HK2: variants seen among roughly 807,000 people sequenced by gnomAD.
HK2 encodes hexokinase-2.
A neutral mutation model predicts 92.9 loss-of-function variants in HK2; 42 were observed. The observed-to-expected ratio is 0.45, with a 90% confidence interval of 0.35 to 0.58. HK2 has a LOEUF of 0.58. HK2 is among the 20% of genes least tolerant of loss of function. HK2 has a pLI of 0.00. For synonymous variants in HK2, 422 were observed against 468.0 expected, an observed-to-expected ratio of 0.90 and a Z score of 1.27; for missense variants, 978 against 1,245.1, an observed-to-expected ratio of 0.79 and a Z score of 3.23.
At chr2:74,880,154 C>T (rs1689345378) in intron 9 of HK2, 111 bp from the exon 10 acceptor site, 1 of 1,164,028 alleles carries the variant, frequency 8.6e-7, no homozygotes, top group Admixed American at 1.7e-5. Context: ...GCACCCACTC[C>T]TGCAGGTGCC....
At chr2:74,870,001 CTTTTT>C (rs66946936) in intron 3 of HK2, among the ~76,000 whole-genome samples, 1 of 121,516 alleles carries the variant, frequency 8.2e-6, no homozygotes. Flanking sequence ...CTTTTCTTTT[CTTTTT>C]TTTTTTTTTT....
intron 7 of HK2, among the ~76,000 whole-genome samples, chr2:74,875,432 G>A (rs1043388944): frequency 6.7e-6 from 1 of 149,036 alleles, no homozygotes; most frequent in African/African-American, 2.5e-5. Context: ...GGGTTCAAGC[G>A]ATTCTCCTAC....
At chr2:74,856,711 A>G (rs1278894535) in intron 2 of HK2, among the ~76,000 whole-genome samples, 1 of 152,232 alleles carries the variant, frequency 6.6e-6, no homozygotes, top group African/African-American at 2.4e-5. Context: ...TAGATGAGGA[A>G]TTTGAGGTTC....
At chr2:74,849,711 G>C (rs554010296) in intron 1 of HK2, among the ~76,000 whole-genome samples, 67 of 152,308 alleles carry the variant, frequency 4.4e-4, no homozygotes, top group Non-Finnish European at 9.7e-4. Flanking sequence ...GAAGGAAAGG[G>C]GGGGTGATAG....
At chr2:74,858,338 C>T (rs1333760782) in intron 2 of HK2, among the ~76,000 whole-genome samples, 6 of 152,198 alleles carry the variant, frequency 3.9e-5, no homozygotes, top group South Asian at 4.2e-4. Flanking sequence ...CTTGCTGGCA[C>T]GAAATATGTA....
intron 15 of HK2, 123 bp from the exon 16 acceptor site, chr2:74,887,780 C>A: frequency 1.2e-6 from 1 of 863,320 alleles, no homozygotes; most frequent in Non-Finnish European, 2.0e-6. Flanking sequence ...ATTCCTTTCC[C>A]ATCAGGGGAG....
intron 2 of HK2, among the ~76,000 whole-genome samples, chr2:74,866,434 C>T (rs1165416258): frequency 4.6e-5 from 7 of 152,164 alleles, no homozygotes; most frequent in African/African-American, 1.2e-4. Context: ...CGGTGCTGCT[C>T]GCAGTTGGGG....
At chr2:74,862,579 TGA>T (rs1688855480) in intron 2 of HK2, among the ~76,000 whole-genome samples, 1 of 152,208 alleles carries the variant, frequency 6.6e-6, no homozygotes, top group Admixed American at 6.5e-5. Context: ...TGGTTAAACC[TGA>T]AGGAAGCCCT....
rs1020173414 is a variant in HK2 at position 74,889,155 on chromosome 2, C to A, written c.2376-90C>A. ...CCTGGAGAGCTAGACCCCCACAGAG[C>A]CTCCCCTGTAAGGACTCAGGCCCTG... is the stretch of plus-strand genomic sequence containing the variant. On this transcript the variant is annotated intron_variant, in intron 16 of 17. Coordinates refer to ENST00000290573, the MANE Select transcript of HK2 (RefSeq NM_000189.5). The A allele has an allele frequency of 2.6e-5, 28 of 1,064,950 alleles. No individual in the cohort carries two copies. In the African/African-American group the frequency reaches 3.5e-4, roughly 13 times the overall value. The allele number at this position is 1,064,950 out of a possible 1,614,324, so 66.0% of individuals were successfully genotyped here.
chr2:74,852,700 AC>A (rs1473923992), intron 1 of HK2, among the ~76,000 whole-genome samples: 4 of 152,044 alleles, frequency 2.6e-5, no homozygotes, highest in Admixed American at 2.0e-4. Flanking sequence ...AAAAAAAAAA[AC>A]AACAAAAAAC....
chr2:74,842,692 C>T (rs937753544), intron 1 of HK2, among the ~76,000 whole-genome samples: 5 of 152,186 alleles, frequency 3.3e-5, no homozygotes, highest in African/African-American at 9.7e-5. Flanking sequence ...ATGCGTCCAC[C>T]GTGCTTCTAA....
chr2:74,874,182 A>G, intron 6 of HK2, 84 bp from the exon 7 acceptor site: 1 of 1,537,598 alleles, frequency 6.5e-7, no homozygotes, highest in South Asian at 1.1e-5. Flanking sequence ...CTGGCCGGGC[A>G]GTCTCGGGAC....
intron 2 of HK2, among the ~76,000 whole-genome samples, chr2:74,866,315 A>G (rs145339403): frequency 2.0e-5 from 3 of 152,162 alleles, no homozygotes; most frequent in Non-Finnish European, 4.4e-5. Flanking sequence ...TTCTCCCACC[A>G]GGAAAGGGGT....
chr2:74,878,177 A>G lies in HK2; in HGVS notation c.1032-511A>G, dbSNP rs954997911. ...CACAAGCTAAAGCAGTGCCAAGTCC[A>G]TGGTGAAATGCAATAGACTCCTACT... On this transcript the variant is annotated intron_variant, in intron 8 of 17. Transcript: ENST00000290573. Among the ~76,000 whole-genome samples the G allele has an allele frequency of 2.0e-4, 30 of 152,320 alleles. No individual in the cohort carries two copies. In the East Asian group the frequency reaches 3.3e-3, roughly 17 times the overall value.
chr2:74,887,832 C>T, intron 15 of HK2, 71 bp from the exon 16 acceptor site: 1 of 1,469,756 alleles, frequency 6.8e-7, no homozygotes, highest in Non-Finnish European at 9.5e-7. Flanking sequence ...GGTGACTAAG[C>T]TGGCCTGTCC....
Position 74,873,826 on chromosome 2 carries a change from TC to T in HK2, c.592-15del. On this transcript the variant is annotated splice_polypyrimidine_tract_variant and intron_variant, in intron 5 of 17. Transcript: ENST00000290573. ...TCTGTGATGATGAAGGTCAGAGCCC[TC>T]CCATTTGTCTCCACAGGACTTTGAT... 2 of 1,590,974 alleles carry T rather than the reference TC, an allele frequency of 1.3e-6. No homozygotes were observed. Among genetic ancestry groups the T allele is most frequent in the African/African-American group, 1.3e-5 (1 of 74,470 alleles).
At position 74,874,262 on chromosome 2, in the gene HK2, G is replaced by T. The variant is rs754348299; in HGVS notation, c.692-4G>T. ...GTGTGCATAGCCGTCCCTTGTTTTG[G>T]CAGGCACGGGCAGCAACGCCTGCTA... On this transcript the variant is annotated splice_region_variant and splice_polypyrimidine_tract_variant and intron_variant, in intron 6 of 17. Transcript: ENST00000290573. 3 of 1,614,184 alleles carry T rather than the reference G, an allele frequency of 1.9e-6. No individual in the cohort carries two copies. The South Asian group carries it at 3.3e-5, about 18-fold the overall frequency.
At chr2:74,880,172 A>C in intron 9 of HK2, 93 bp from the exon 10 acceptor site, 1 of 1,432,732 alleles carries the variant, frequency 7.0e-7, no homozygotes, top group Non-Finnish European at 9.8e-7. Context: ...GCCTTTTGGC[A>C]TTTGGATTAA....
chr2:74,839,234 A>C (rs114508716), intron 1 of HK2, among the ~76,000 whole-genome samples: 1 of 152,096 alleles, frequency 6.6e-6, no homozygotes. Flanking sequence ...GTCTAGAGAG[A>C]TATGGCTGCT....
Sources: gnomAD v4.1 joint callset for allele counts (sites outside exome capture counted in the v4.1 genomes callset) on GRCh38, gnomAD v4.1.1 for gene constraint, MANE v1.5 for transcripts, NCBI Gene and HGNC (gene_info 2026-07-23, HGNC 2026-07-21) for gene names.